The following SPIDR variants were observed in gnomAD, a reference collection of about 807,000 sequenced individuals.
The protein encoded by SPIDR is DNA repair-scaffolding protein.
SPIDR carries 93 observed loss-of-function variants against 104.6 expected under a neutral mutation model. That is an observed-to-expected ratio of 0.89 (90% CI 0.75 to 1.06). The LOEUF (loss-of-function observed/expected upper bound fraction) is 1.06, where lower values mean the gene tolerates loss of function less well. Among genes scored for constraint, SPIDR ranks in the 50% least tolerant of loss-of-function variants. SPIDR has a pLI of 0.00. For synonymous variants in SPIDR, 431 were observed against 416.9 expected, an observed-to-expected ratio of 1.03 and a Z score of -0.41; for missense variants, 1,154 against 1,111.2, an observed-to-expected ratio of 1.04 and a Z score of -0.55.
chr8:47,448,345 C>T (rs1554703482), intron 8 of SPIDR, among the ~76,000 whole-genome samples: 1 of 152,048 alleles, frequency 6.6e-6, no homozygotes, highest in African/African-American at 2.4e-5. Flanking sequence ...CTTGTTTATC[C>T]TCCCTAATTG....
intron 8 of SPIDR, among the ~76,000 whole-genome samples, chr8:47,578,540 A>G (rs1305515616): frequency 6.6e-6 from 1 of 152,196 alleles, no homozygotes; most frequent in Non-Finnish European, 1.5e-5. Context: ...ATATGTATGG[A>G]AACTCAGCCA....
chr8:47,321,605 A>C (rs898435022), intron 5 of SPIDR, among the ~76,000 whole-genome samples: 13 of 152,198 alleles, frequency 8.5e-5, no homozygotes, highest in African/African-American at 1.9e-4. Flanking sequence ...TTTAAAGTTC[A>C]TATGGAACCA....
chr8:47,530,256 C>T (rs1314700562), intron 8 of SPIDR, among the ~76,000 whole-genome samples: 1 of 152,074 alleles, frequency 6.6e-6, no homozygotes, highest in Non-Finnish European at 1.5e-5. Context: ...TAACTTGAGG[C>T]CAGGAGTTCC....
chr8:47,612,819 C>T (rs2063768854), intron 10 of SPIDR, among the ~76,000 whole-genome samples: 1 of 152,130 alleles, frequency 6.6e-6, no homozygotes. Context: ...TGCCCATTTA[C>T]TTATATGCAT....
At chr8:47,536,146 CAAAG>C (rs1045471234) in intron 8 of SPIDR, among the ~76,000 whole-genome samples, 2 of 151,628 alleles carry the variant, frequency 1.3e-5, no homozygotes, top group Non-Finnish European at 1.5e-5. Flanking sequence ...ATGAAGAAAT[CAAAG>C]AAGAGCTAAA....
chr8:47,422,911 T>C (rs2065796311), intron 7 of SPIDR, among the ~76,000 whole-genome samples: 1 of 152,208 alleles, frequency 6.6e-6, no homozygotes, highest in Non-Finnish European at 1.5e-5. Flanking sequence ...AGAATCAATG[T>C]TATCTTCCTT....
At chr8:47,506,156 C>G (rs1167470676) in intron 8 of SPIDR, among the ~76,000 whole-genome samples, 3 of 152,186 alleles carry the variant, frequency 2.0e-5, no homozygotes, top group Non-Finnish European at 2.9e-5. Flanking sequence ...GCTTTCTAAG[C>G]AGAACATGTT....
Position 47,500,815 on chromosome 8 carries a change from T to G in SPIDR, c.1097+60273T>G, listed in dbSNP as rs541003223. Among the ~76,000 whole-genome samples the G allele has an allele frequency of 1.1e-4, 16 of 152,296 alleles. No homozygotes were observed. In the South Asian group the frequency reaches 2.7e-3, roughly 26 times the overall value. Reference sequence around the variant, plus strand: ...TCTTTAATCCATCTTGAATTAATTTTTATATAAGGTGTAAGGAAGGGATCC... The same window carrying G: ...TCTTTAATCCATCTTGAATTAATTTGTATATAAGGTGTAAGGAAGGGATCC... On this transcript the variant is annotated intron_variant, in intron 8 of 19. Transcript: ENST00000297423.
intron 10 of SPIDR, among the ~76,000 whole-genome samples, chr8:47,671,265 A>T (rs979322928): frequency 1.3e-5 from 2 of 152,092 alleles, no homozygotes; most frequent in African/African-American, 4.8e-5. Flanking sequence ...CTGTAGGTAG[A>T]AAATGCTCCT....
intron 7 of SPIDR, among the ~76,000 whole-genome samples, chr8:47,425,849 G>T (rs1410069573): frequency 6.6e-6 from 1 of 152,050 alleles, no homozygotes; most frequent in Non-Finnish European, 1.5e-5. Context: ...TGCTTTTATT[G>T]AATTATCATT....
At position 47,535,062 on chromosome 8, in the gene SPIDR, G is replaced by A. The variant is rs531183883; in HGVS notation, c.1098-60749G>A. Among the ~76,000 whole-genome samples, 6 of 152,158 alleles carry A rather than the reference G, an allele frequency of 3.9e-5. No individual in the cohort carries two copies. In the East Asian group the frequency reaches 9.7e-4, roughly 25 times the overall value. The stretch of plus-strand genomic sequence containing the variant: ...AACCTAGTTGAAATAGACCAATTAC[G>A]TGAAAGACACACTCTACCAAAACTC... On this transcript the variant is annotated intron_variant, in intron 8 of 19. Transcript: ENST00000297423.
intron 8 of SPIDR, among the ~76,000 whole-genome samples, chr8:47,493,042 A>AGT (rs60518877): frequency 0.28 from 39,086 of 140,448 alleles, 5,572 homozygotes; most frequent in East Asian, 0.5. Context: ...AGAGAGAGTG[A>AGT]GTGTGTGTGT....
At chr8:47,423,120 A>G (rs797027777) in intron 7 of SPIDR, among the ~76,000 whole-genome samples, 2 of 152,052 alleles carry the variant, frequency 1.3e-5, no homozygotes, top group African/African-American at 2.4e-5. Context: ...CCTGGCCAAC[A>G]TGGTGAAACC....
At chr8:47,547,318 A>G in intron 8 of SPIDR, 5 of 542,138 alleles carry the variant, frequency 9.2e-6, no homozygotes, top group South Asian at 7.8e-5. Flanking sequence ...CATCTAGTCA[A>G]TGCCCATGAC....
At chr8:47,330,652 A>G in intron 5 of SPIDR, 3 of 410,842 alleles carry the variant, frequency 7.3e-6, no homozygotes, top group Admixed American at 2.7e-5. Context: ...AGTAATATGT[A>G]TTGAACTTTC....
In SPIDR at chr8:47,677,748, T is replaced by C. The variant is rs2076618814; in HGVS notation, c.1685+3807T>C. Among the ~76,000 whole-genome samples the C allele has an allele frequency of 3.3e-5, 5 of 152,238 alleles. No homozygotes were observed. In the South Asian group the frequency reaches 1.0e-3, roughly 31 times the overall value. ...ATGATTCAATTAACTAGATCTTAGC[T>C]GACTGATCTCAGAAGGTTTCATGAA... On this transcript the variant is annotated intron_variant, in intron 11 of 19. Coordinates refer to ENST00000297423, the MANE Select transcript of SPIDR (RefSeq NM_001080394.4).
At chr8:47,274,983 A>G (rs984343561) in intron 1 of SPIDR, among the ~76,000 whole-genome samples, 3 of 149,138 alleles carry the variant, frequency 2.0e-5, no homozygotes, top group Admixed American at 6.7e-5. Flanking sequence ...CCATAGGCCC[A>G]GCGCGGTGGC....
chr8:47,479,482 A>G (rs2076648426), intron 8 of SPIDR, among the ~76,000 whole-genome samples: 1 of 152,222 alleles, frequency 6.6e-6, no homozygotes, highest in African/African-American at 2.4e-5. Context: ...AGCAGGTACA[A>G]CTTCTGTCTC....
chr8:47,707,861 C>T (rs2081303110), intron 14 of SPIDR, among the ~76,000 whole-genome samples: 2 of 152,140 alleles, frequency 1.3e-5, no homozygotes, highest in African/African-American at 4.8e-5. Context: ...ATCGTCCTTC[C>T]TCCATTAAAT....
Sources: allele counts gnomAD v4.1 joint callset (sites outside exome capture counted in the v4.1 genomes callset), GRCh38; gene constraint gnomAD v4.1.1; transcripts MANE v1.5; gene names NCBI Gene and HGNC (gene_info 2026-07-23, HGNC 2026-07-21).